RPTOR: variants seen among roughly 807,000 people sequenced by gnomAD.
RPTOR encodes regulatory-associated protein of mTOR.
RPTOR carries 21 observed loss-of-function variants against 169.9 expected under a neutral mutation model. That is an observed-to-expected ratio of 0.12 (90% CI 0.09 to 0.18). The LOEUF is 0.18. RPTOR is among the 10% of genes least tolerant of loss of function. The pLI is 1.00. For synonymous variants in RPTOR, 732 were observed against 753.2 expected, an observed-to-expected ratio of 0.97 and a Z score of 0.46; for missense variants, 1,133 against 1,855.9, an observed-to-expected ratio of 0.61 and a Z score of 7.16.
rs1446244621 is a variant in RPTOR, at chr17:80,878,188, T to C, written c.1510-2227T>C. Reference sequence around the variant, plus strand: ...CAGAACGCACGCCTCACTCTGTCGATGCAGTGTCTGTCACTGCTCAGTTTC... The same window carrying C: ...CAGAACGCACGCCTCACTCTGTCGACGCAGTGTCTGTCACTGCTCAGTTTC... On this transcript the variant is annotated intron_variant, in intron 13 of 33. Coordinates refer to ENST00000306801, the MANE Select transcript of RPTOR (RefSeq NM_020761.3). This position sits in a 1 kb window ranked among gnomAD's most constrained non-coding sequence, Gnocchi z 4.1. Among the ~76,000 whole-genome samples, 1 of 152,214 alleles carries C rather than the reference T, an allele frequency of 6.6e-6. No individual in the cohort carries two copies. Among genetic ancestry groups the C allele is most frequent in the Non-Finnish European group, 1.5e-5 (1 of 68,032 alleles).
intron 28 of RPTOR, among the ~76,000 whole-genome samples, chr17:80,956,397 T>A (rs1283710040): frequency 1.3e-5 from 2 of 151,268 alleles, no homozygotes; most frequent in African/African-American, 4.8e-5. Context: ...GTTGCTCTGC[T>A]CTGTCTAATC....
At chr17:80,743,124 A>G (rs2066501192) in intron 5 of RPTOR, among the ~76,000 whole-genome samples, 1 of 152,108 alleles carries the variant, frequency 6.6e-6, no homozygotes, top group Admixed American at 6.5e-5. Flanking sequence ...AGCTCTTACT[A>G]GTGTCTCCAG....
At chr17:80,838,056 T>C (rs1276482856) in intron 10 of RPTOR, 59 bp downstream of exon 10, 2 of 1,441,144 alleles carry the variant, frequency 1.4e-6, no homozygotes, top group East Asian at 2.4e-5. Context: ...TCTGGGCACC[T>C]GGACTGCAAA....
At chr17:80,579,099 A>G (rs2064991866) in intron 1 of RPTOR, among the ~76,000 whole-genome samples, 1 of 152,194 alleles carries the variant, frequency 6.6e-6, no homozygotes, top group Non-Finnish European at 1.5e-5. Flanking sequence ...TATTATTTAC[A>G]TATGGGATCT....
At chr17:80,703,390 T>A (rs2315925) in intron 3 of RPTOR, among the ~76,000 whole-genome samples, 40,398 of 151,988 alleles carry the variant, frequency 0.27, 7,430 homozygotes, top group African/African-American at 0.53. Flanking sequence ...GAAAAGAGGC[T>A]GGCAGGCGCT....
chr17:80,833,078 T>A (rs2067524069), intron 9 of RPTOR, among the ~76,000 whole-genome samples: 1 of 143,870 alleles, frequency 7.0e-6, no homozygotes, highest in Admixed American at 7.1e-5. Flanking sequence ...TGCGTTTCTC[T>A]GCGGTAATAA....
chr17:80,607,360 A>T (rs1406641268), intron 1 of RPTOR, among the ~76,000 whole-genome samples: 1 of 152,226 alleles, frequency 6.6e-6, no homozygotes, highest in Admixed American at 6.5e-5. Flanking sequence ...TGTTCAAAAA[A>T]TGGATCATTT....
chr17:80,737,963 C>G (rs995959238), intron 5 of RPTOR, among the ~76,000 whole-genome samples: 4 of 151,894 alleles, frequency 2.6e-5, no homozygotes, highest in African/African-American at 9.7e-5. Flanking sequence ...ATCCACAGAA[C>G]GGCCATCCCC....
At chr17:80,905,304 T>C (rs1311674010) in intron 20 of RPTOR, among the ~76,000 whole-genome samples, 6 of 152,004 alleles carry the variant, frequency 3.9e-5, no homozygotes, top group African/African-American at 1.5e-4. Flanking sequence ...TAGATGAAAG[T>C]GGCCAGGCGC....
chr17:80,812,317 A>G (rs1007659796), intron 7 of RPTOR, among the ~76,000 whole-genome samples: 4 of 151,940 alleles, frequency 2.6e-5, no homozygotes, highest in African/African-American at 9.7e-5. Flanking sequence ...TCAAACATAT[A>G]TACAGTTTTC....
chr17:80,770,572 T>A (rs967797774), intron 6 of RPTOR, among the ~76,000 whole-genome samples: 1 of 152,162 alleles, frequency 6.6e-6, no homozygotes, highest in Non-Finnish European at 1.5e-5. Flanking sequence ...GATCCAGGTA[T>A]GTCTGTCACC....
chr17:80,700,719 T>TGATGGTAGAGATGATGGTGATGATGGA (rs1475137958), intron 3 of RPTOR, among the ~76,000 whole-genome samples: 4 of 107,624 alleles, frequency 3.7e-5, no homozygotes, highest in Non-Finnish European at 8.2e-5. Context: ...ATGGTGGTGG[T>TGATGGTAGAGATGATGGTGATGATGGA]GGTGGTGGTG....
At chr17:80,849,816 C>T (rs2143724910) in intron 11 of RPTOR, among the ~76,000 whole-genome samples, 2 of 152,352 alleles carry the variant, frequency 1.3e-5, no homozygotes, top group South Asian at 4.1e-4. Context: ...CCGCACCCAG[C>T]CCTGAACACC....
chr17:80,822,330 G>A, intron 8 of RPTOR, 29 bp downstream of exon 8: 8 of 1,607,812 alleles, frequency 5.0e-6, no homozygotes, highest in Non-Finnish European at 6.8e-6. Flanking sequence ...CTTGGGGAGG[G>A]AGGCTATGGC....
Position 80,962,998 on chromosome 17 carries a change from G to A in RPTOR, c.3880G>A (p.Asp1294Asn), listed in dbSNP as rs2069365643. 2.5e-6 allele frequency: 4 copies of A among 1,613,078 alleles called. No homozygotes were observed. The highest frequency in any genetic ancestry group is 3.4e-6 in the Non-Finnish European group (4 of 1,179,810). ...GELINNIKYY[D>N]GFMGQRVGAI... is the part of the protein sequence containing the mutation. The stretch of plus-strand genomic sequence containing the variant: ...GCTCATCAACAACATCAAGTACTAC[G>A]ACGGCTTCATGGGCCAGCGGGTCGG... The change falls in exon 33 of 34, where the codon GAC becomes AAC. Residue 1294 changes from aspartate to asparagine, a missense_variant. Asp to Asn is a conservative substitution (Grantham distance 23, BLOSUM62 1). Transcript: ENST00000306801.
chr17:80,617,314 T>A (rs1447588094), intron 1 of RPTOR, among the ~76,000 whole-genome samples: 3 of 152,246 alleles, frequency 2.0e-5, no homozygotes, highest in African/African-American at 7.2e-5. Context: ...CCATTTAATA[T>A]TCTTTGAGAA....
Position 80,891,792 on chromosome 17 carries a change from A to C in RPTOR, c.2056A>C (p.Ile686Leu). Reference sequence around the variant, plus strand: ...TTTCTGCACCGTGGCCCTGCAGTTCATAGAAGAGGAAAAGAACTACGCCTT... The same window carrying C: ...TTTCTGCACCGTGGCCCTGCAGTTCCTAGAAGAGGAAAAGAACTACGCCTT... ...SNFCTVALQF[I>L]EEEKNYALPS... Residue 686 changes from isoleucine (I) to leucine (L), a missense_variant, in exon 18 of 34, where the codon ATA (isoleucine) becomes CTA (leucine). Ile to Leu is a conservative substitution (Grantham distance 5). Around this residue, in one of 9 missense-constraint regions of RPTOR, gnomAD observed 150 missense variants for 206.4 expected, o/e 0.73. Transcript: ENST00000306801. The C allele has an allele frequency of 6.2e-7, 1 of 1,614,112 alleles. No individual in the cohort carries two copies. The highest frequency in any genetic ancestry group is 8.5e-7 in the Non-Finnish European group (1 of 1,180,000).
At chr17:80,733,317 T>C (rs1465882831) in intron 5 of RPTOR, among the ~76,000 whole-genome samples, 1 of 152,252 alleles carries the variant, frequency 6.6e-6, no homozygotes, top group East Asian at 1.9e-4. Context: ...AAATTAAGGA[T>C]AATATTCAAG....
intron 3 of RPTOR, among the ~76,000 whole-genome samples, chr17:80,681,404 C>T (rs1048925247): frequency 2.0e-5 from 3 of 152,178 alleles, no homozygotes; most frequent in African/African-American, 7.2e-5. Flanking sequence ...AGAGTGCGTG[C>T]GTGCTGTGTG....
Sources: allele counts gnomAD v4.1 joint callset (sites outside exome capture counted in the v4.1 genomes callset), GRCh38; gene constraint gnomAD v4.1.1; regional missense constraint gnomAD v4.1.1; non-coding constraint Gnocchi (gnomAD v3.1); transcripts MANE v1.5; gene names NCBI Gene and HGNC (gene_info 2026-07-23, HGNC 2026-07-21).